NUP210L: variants seen among roughly 807,000 people sequenced by gnomAD.
NUP210L encodes the protein nucleoporin 210 like, also known as nuclear pore membrane glycoprotein 210-like.
A neutral mutation model predicts 208.5 loss-of-function variants in NUP210L; 74 were observed. That is an observed-to-expected ratio of 0.35 (90% CI 0.29 to 0.43). The LOEUF (loss-of-function observed/expected upper bound fraction) is 0.43. Among genes scored for constraint, NUP210L ranks in the 20% least tolerant of loss-of-function variants. The pLI, the probability that NUP210L is intolerant of heterozygous loss-of-function variation, is 1.00. For missense variants in NUP210L, 1,843 were observed against 2,289.4 expected (o/e 0.81, Z 3.98); for synonymous variants, 780 against 816.9 (o/e 0.95, Z 0.77).
exon 19 of NUP210L, chr1:154,060,992 C>T (rs1170901679): frequency 6.8e-6 from 11 of 1,613,708 alleles, no homozygotes; most frequent in Non-Finnish European, 9.3e-6. Context: ...ACTACAGTTA[C>T]ATCATCTACC....
chr1:154,124,662 C>T (rs917112786), intron 10 of NUP210L, among the ~76,000 whole-genome samples: 5 of 152,154 alleles, frequency 3.3e-5, no homozygotes, highest in African/African-American at 9.7e-5. Flanking sequence ...ATTAATAGTA[C>T]TCTATGCACC....
intron 37 of NUP210L, among the ~76,000 whole-genome samples, chr1:153,999,465 C>T (rs930305634): frequency 2.0e-5 from 3 of 152,102 alleles, no homozygotes; most frequent in Non-Finnish European, 2.9e-5. Flanking sequence ...TGGCCGGGTG[C>T]GGTGGCTCAT....
intron 33 of NUP210L, among the ~76,000 whole-genome samples, chr1:154,015,722 A>AACAC (rs372823301): frequency 0.011 from 1,552 of 144,404 alleles, 14 homozygotes; most frequent in Middle Eastern, 0.029. Context: ...TCTGTCTCAA[A>AACAC]ACACACACAC....
chr1:154,019,914 G>A (rs991140845), intron 32 of NUP210L, among the ~76,000 whole-genome samples: 2 of 152,126 alleles, frequency 1.3e-5, no homozygotes, highest in African/African-American at 2.4e-5. Context: ...TGATAAGAGT[G>A]AAACTCTGTC....
At chr1:154,086,163 G>T (rs964865290) in intron 16 of NUP210L, among the ~76,000 whole-genome samples, 2 of 148,440 alleles carry the variant, frequency 1.3e-5, no homozygotes, top group Non-Finnish European at 3.0e-5. Flanking sequence ...AGTGAGCCAA[G>T]ATCACACCAC....
intron 9 of NUP210L, among the ~76,000 whole-genome samples, chr1:154,126,684 GC>G (rs1282245514): frequency 6.6e-6 from 1 of 152,178 alleles, no homozygotes; most frequent in Non-Finnish European, 1.5e-5. Flanking sequence ...ATCAGGAATA[GC>G]AAGAGTCAAA....
chr1:154,052,522 A>T (rs1653574219), intron 25 of NUP210L, among the ~76,000 whole-genome samples: 1 of 152,238 alleles, frequency 6.6e-6, no homozygotes, highest in Non-Finnish European at 1.5e-5. Flanking sequence ...AACAATAGTT[A>T]TGATAGTGGT....
At position 154,005,341 on chromosome 1, in the gene NUP210L, A is replaced by G. The variant is rs566188939; in HGVS notation, c.4931-3356T>C. On this transcript the variant is annotated intron_variant, in intron 35 of 39. Transcript: ENST00000368559. ...TGGGTTCAAGCAATTCTCCTGCCTC[A>G]GCCTCCCAAGTAGCTGGGACTACCC... 2.0e-5 allele frequency among the ~76,000 whole-genome samples: 3 copies of G among 152,090 alleles called. No individual in the cohort carries two copies. In the South Asian group the frequency reaches 6.2e-4, roughly 32 times the overall value.
At chr1:154,007,666 G>A (rs1183875510) in intron 35 of NUP210L, among the ~76,000 whole-genome samples, 2 of 151,796 alleles carry the variant, frequency 1.3e-5, no homozygotes, top group Non-Finnish European at 2.9e-5. Flanking sequence ...TCCACCTCCC[G>A]GGTTCACGCC....
At chr1:154,098,990 C>T (rs1656320375) in intron 14 of NUP210L, among the ~76,000 whole-genome samples, 1 of 152,164 alleles carries the variant, frequency 6.6e-6, no homozygotes, top group African/African-American at 2.4e-5. Flanking sequence ...GCAGCAGGGG[C>T]CTGGCATGTT....
chr1:154,138,432 T>C (rs1658659998), intron 5 of NUP210L, among the ~76,000 whole-genome samples, 194 bp from the exon 6 acceptor site: 1 of 152,184 alleles, frequency 6.6e-6, no homozygotes, highest in South Asian at 2.1e-4. Flanking sequence ...TAATACCTTA[T>C]TAACTTTCTA....
chr1:154,025,789 C>T, intron 29 of NUP210L, 73 bp from the exon 30 acceptor site: 1 of 1,370,806 alleles, frequency 7.3e-7, no homozygotes, highest in Non-Finnish European at 1.0e-6. Context: ...TAAAAATTTC[C>T]AGGATTACTG....
intron 17 of NUP210L, among the ~76,000 whole-genome samples, chr1:154,064,441 C>T (rs1012319042): frequency 3.3e-5 from 5 of 152,248 alleles, no homozygotes; most frequent in Non-Finnish European, 7.4e-5. Context: ...TCTCACTCGC[C>T]TTCTTAAGCT....
At chr1:154,047,172 G>C (rs913705501) in intron 25 of NUP210L, among the ~76,000 whole-genome samples, 1 of 152,112 alleles carries the variant, frequency 6.6e-6, no homozygotes, top group Non-Finnish European at 1.5e-5. Context: ...AATGAAAAAG[G>C]GCTAGTATTT....
At chr1:154,125,648 A>G (rs532527327) in intron 10 of NUP210L, among the ~76,000 whole-genome samples, 28 of 1,200 alleles carry the variant, frequency 0.023, no homozygotes, top group African/African-American at 0.046. Flanking sequence ...GAAGGAAGGA[A>G]GGAAGGAAGG....
intron 15 of NUP210L, among the ~76,000 whole-genome samples, chr1:154,091,594 A>G (rs1442928331): frequency 6.9e-6 from 1 of 143,918 alleles, no homozygotes; most frequent in Non-Finnish European, 1.5e-5. Context: ...TCCACCTCCC[A>G]GGTTCAAGCG....
chr1:153,992,803 C>G, exon 40 of NUP210L: 2 of 1,425,452 alleles, frequency 1.4e-6, no homozygotes, highest in Non-Finnish European at 9.7e-7. Context: ...CTTCATTCCC[C>G]TGCAGTTAAG....
intron 27 of NUP210L, among the ~76,000 whole-genome samples, chr1:154,043,167 G>A (rs1315880244): frequency 7.5e-6 from 1 of 133,058 alleles, no homozygotes; most frequent in East Asian, 2.3e-4. Flanking sequence ...TTACAGGTGT[G>A]CGCCACTATG....
chr1:154,148,922 C>A (rs1659243285), intron 2 of NUP210L, among the ~76,000 whole-genome samples: 1 of 152,078 alleles, frequency 6.6e-6, no homozygotes, highest in Non-Finnish European at 1.5e-5. Flanking sequence ...TAATCAGGCA[C>A]TGAGTAATCT....
Sources: gnomAD v4.1 joint callset for allele counts (sites outside exome capture counted in the v4.1 genomes callset) on GRCh38, gnomAD v4.1.1 for gene constraint, MANE v1.5 for transcripts, NCBI Gene and HGNC (gene_info 2026-07-23, HGNC 2026-07-21) for gene names.